Variants in TBC1D32 observed in about 807,000 individuals in gnomAD.
TBC1D32 encodes protein broad-minded.
TBC1D32 carries 151 observed loss-of-function variants against 170.3 expected under a neutral mutation model. The ratio of observed to expected loss-of-function variants is 0.89; its 90% CI spans 0.78 to 1.01. TBC1D32 has a LOEUF of 1.01. Ranked by LOEUF, TBC1D32 falls within the 50% of genes least tolerant of loss-of-function variation. The pLI, the probability that TBC1D32 is intolerant of heterozygous loss-of-function variation, is 0.00. For missense variants in TBC1D32, 1,464 were observed against 1,457.1 expected, an observed-to-expected ratio of 1.00 and a Z score of -0.08; for synonymous variants, 498 against 488.0, an observed-to-expected ratio of 1.02 and a Z score of -0.27.
At chr6:121,160,826 A>G (rs994637305) in intron 23 of TBC1D32, 122 bp downstream of exon 23, 2 of 726,492 alleles carry the variant, frequency 2.8e-6, no homozygotes, top group African/African-American at 3.6e-5. Flanking sequence ...ATTCTCAAGT[A>G]ATAAGTTCAA....
chr6:121,327,192 T>G (rs1810569698), intron 1 of TBC1D32, among the ~76,000 whole-genome samples: 1 of 152,092 alleles, frequency 6.6e-6, no homozygotes, highest in African/African-American at 2.4e-5. Context: ...ACTATTTAAG[T>G]GACATGATCA....
intron 29 of TBC1D32, among the ~76,000 whole-genome samples, chr6:121,107,968 T>C (rs1397120992): frequency 6.6e-6 from 1 of 152,102 alleles, no homozygotes; most frequent in Non-Finnish European, 1.5e-5. Flanking sequence ...AATTAGACTC[T>C]GTTGGAAGAA....
intron 30 of TBC1D32, among the ~76,000 whole-genome samples, chr6:121,092,758 T>C (rs1416951657): frequency 6.6e-6 from 1 of 152,140 alleles, no homozygotes; most frequent in Non-Finnish European, 1.5e-5. Context: ...ACACTTGTGA[T>C]ATTGGATTAC....
chr6:121,095,042 GA>G (rs35827363), intron 30 of TBC1D32, among the ~76,000 whole-genome samples: 135 of 151,986 alleles, frequency 8.9e-4, no homozygotes, highest in African/African-American at 3.0e-3. Flanking sequence ...ATATTCACTG[GA>G]AAAAAATGCT....
At chr6:121,180,263 T>G (rs1404165366) in intron 22 of TBC1D32, among the ~76,000 whole-genome samples, 1 of 152,134 alleles carries the variant, frequency 6.6e-6, no homozygotes, top group Non-Finnish European at 1.5e-5. Flanking sequence ...AGAAAAGGAC[T>G]AAAAATAGCT....
rs561610656 is a variant in TBC1D32, at chr6:121,128,054, A to T, written c.2900-1593T>A. Among the ~76,000 whole-genome samples, 93 of 152,308 alleles carry T rather than the reference A, an allele frequency of 6.1e-4. No individual in the cohort carries two copies. The Middle Eastern group carries it at 0.01, about 17-fold the overall frequency. ...CACATGACCAACTTCATACGTAGCA[A>T]GCCACACTATTTTCTGGCAAGTACT... is the stretch of plus-strand genomic sequence containing the variant. On this transcript the variant is annotated intron_variant, in intron 25 of 31. Coordinates refer to ENST00000398212, the MANE Select transcript of TBC1D32 (RefSeq NM_152730.6).
At chr6:121,148,034 G>A (rs1246827231) in intron 24 of TBC1D32, among the ~76,000 whole-genome samples, 5 of 150,542 alleles carry the variant, frequency 3.3e-5, no homozygotes, top group Admixed American at 6.7e-5. Context: ...TGTGCAGAAC[G>A]TGCAGGTTTG....
chr6:121,151,839 C>T (rs184065968), intron 24 of TBC1D32, among the ~76,000 whole-genome samples: 119 of 152,136 alleles, frequency 7.8e-4, no homozygotes, highest in Middle Eastern at 3.4e-3. Context: ...CTTTTTTATG[C>T]TTTCCATTTG....
chr6:121,186,750 A>G (rs1789256785), intron 22 of TBC1D32, among the ~76,000 whole-genome samples: 1 of 152,108 alleles, frequency 6.6e-6, no homozygotes, highest in Non-Finnish European at 1.5e-5. Flanking sequence ...TAAAGTAACA[A>G]AGAAGAAATA....
At position 121,080,665 on chromosome 6, in the gene TBC1D32, T is replaced by A; in HGVS notation, c.*106A>T. Reference sequence around the variant, plus strand: ...GTTATACTTCTCAGTATTTACAATATGTATATTCACAAAGTAAATGTTGTT... The same window carrying A: ...GTTATACTTCTCAGTATTTACAATAAGTATATTCACAAAGTAAATGTTGTT... On this transcript the variant is annotated 3_prime_UTR_variant, in exon 32 of 32. Transcript: ENST00000398212. The A allele has an allele frequency of 1.5e-6, 2 of 1,359,928 alleles. No individual in the cohort carries two copies. Among genetic ancestry groups the A allele is most frequent in the Admixed American group, 2.4e-5 (1 of 41,174 alleles). The allele number at this position is 1,359,928 out of a possible 1,614,324, so 84.2% of individuals were successfully genotyped here.
At chr6:121,085,234 C>T (rs1244480719) in intron 31 of TBC1D32, among the ~76,000 whole-genome samples, 1 of 134,764 alleles carries the variant, frequency 7.4e-6, no homozygotes, top group Non-Finnish European at 1.6e-5. Flanking sequence ...TATATATATA[C>T]ACATATACAT....
At chr6:121,266,308 GA>G (rs1258579075) in intron 15 of TBC1D32, among the ~76,000 whole-genome samples, 1 of 151,980 alleles carries the variant, frequency 6.6e-6, no homozygotes, top group East Asian at 1.9e-4. Flanking sequence ...ACAAACCTAT[GA>G]AAAAAAGCTC....
In TBC1D32 at chr6:121,288,697, C is replaced by CA. The variant is rs992407143; in HGVS notation, c.1372+3355dup. 2.6e-5 allele frequency among the ~76,000 whole-genome samples: 4 copies of CA among 152,030 alleles called. No homozygotes were observed. The South Asian group carries it at 8.3e-4, about 32-fold the overall frequency. ...ATACCAAAGCCTGGCAGAGACACAA[C>CA]AAAAAAAGAGAATTTTAGACCAATA... On this transcript the variant is annotated intron_variant, in intron 12 of 31. Transcript: ENST00000398212.
At position 121,116,854 on chromosome 6, in the gene TBC1D32, T is replaced by A. The variant is rs552426484; in HGVS notation, c.2984-1613A>T. ...TTTCACTTTCCTAGAGTTGTACAAATAATTTCCAAAGTCTAGACCCTCTCT... is the reference window on the plus strand; with the variant it reads ...TTTCACTTTCCTAGAGTTGTACAAAAAATTTCCAAAGTCTAGACCCTCTCT... On this transcript the variant is annotated intron_variant, in intron 26 of 31. Transcript: ENST00000398212. Among the ~76,000 whole-genome samples, 269 of 152,300 alleles carry A rather than the reference T, an allele frequency of 1.8e-3. 1 individual carries two copies. Among genetic ancestry groups the A allele is most frequent in the African/African-American group, 6.3e-3 (262 of 41,582 alleles).
intron 4 of TBC1D32, among the ~76,000 whole-genome samples, chr6:121,310,036 AAT>A (rs962606735): frequency 6.6e-6 from 1 of 150,920 alleles, no homozygotes; most frequent in African/African-American, 2.4e-5. Context: ...CCCTATCTTA[AAT>A]ATATATATAT....
At chr6:121,324,573 T>C (rs551154141) in intron 1 of TBC1D32, among the ~76,000 whole-genome samples, 1 of 152,268 alleles carries the variant, frequency 6.6e-6, no homozygotes, top group Non-Finnish European at 1.5e-5. Context: ...CTGAATCATA[T>C]ATCATAGAAA....
intron 1 of TBC1D32, among the ~76,000 whole-genome samples, chr6:121,322,969 C>T (rs1295101853): frequency 1.3e-5 from 2 of 151,516 alleles, no homozygotes; most frequent in Admixed American, 1.3e-4. Flanking sequence ...TCCTATAATT[C>T]GCCTATAAGA....
chr6:121,283,163 G>A (rs901490941), intron 13 of TBC1D32, among the ~76,000 whole-genome samples: 20 of 151,550 alleles, frequency 1.3e-4, no homozygotes, highest in Admixed American at 3.3e-4. Context: ...ACTTGAGTTC[G>A]TCTCAGAATT....
intron 15 of TBC1D32, among the ~76,000 whole-genome samples, chr6:121,263,224 A>C (rs7452947): frequency 0.78 from 111,658 of 142,266 alleles, 43,723 homozygotes; most frequent in South Asian, 0.92. Context: ...AAAAAACAAA[A>C]CAAAAAAAAG....
Sources: gnomAD v4.1 joint callset for allele counts (sites outside exome capture counted in the v4.1 genomes callset) on GRCh38, gnomAD v4.1.1 for gene constraint, MANE v1.5 for transcripts, NCBI Gene and HGNC (gene_info 2026-07-23, HGNC 2026-07-21) for gene names.